Variants in VPS41 observed in about 807,000 individuals in gnomAD.
VPS41 encodes VPS41 subunit of HOPS complex.
A neutral mutation model predicts 130.9 loss-of-function variants in VPS41; 85 were observed. The observed-to-expected ratio is 0.65, with a 90% CI of 0.55 to 0.78. VPS41 has a LOEUF of 0.78. Among genes scored for constraint, VPS41 ranks in the 30% least tolerant of loss-of-function variants. VPS41 has a pLI of 0.00. For synonymous variants in VPS41, 335 were observed against 332.9 expected (o/e 1.01, Z -0.07); for missense variants, 874 against 1,018.7 (o/e 0.86, Z 1.93).
rs756788759 is a variant in VPS41 at position 38,821,192 on chromosome 7, T to C, written c.384+11A>G. On this transcript the variant is annotated intron_variant, in intron 6 of 28. Transcript: ENST00000310301. Reference sequence around the variant, plus strand: ...AACCCTTAGAAAAAGTAAAACTTGCTGAATACTTACTTTAATGGGACAGTC... The same window carrying C: ...AACCCTTAGAAAAAGTAAAACTTGCCGAATACTTACTTTAATGGGACAGTC... The C allele has an allele frequency of 8.7e-6, 14 of 1,610,966 alleles. No individual in the cohort carries two copies. The East Asian group carries it at 2.0e-4, about 23-fold the overall frequency.
intron 10 of VPS41, among the ~76,000 whole-genome samples, chr7:38,785,611 A>G (rs2115921360): frequency 6.6e-6 from 1 of 152,368 alleles, no homozygotes; most frequent in Non-Finnish European, 1.5e-5. Context: ...CTTAGACAAA[A>G]GAAAAGGAAA....
At chr7:38,885,426 T>C (rs544146432) in intron 2 of VPS41, among the ~76,000 whole-genome samples, 1 of 152,302 alleles carries the variant, frequency 6.6e-6, no homozygotes, top group African/African-American at 2.4e-5. Flanking sequence ...GTTCCATAAA[T>C]AGAAAAAACC....
At chr7:38,878,993 G>A (rs1357377594) in intron 2 of VPS41, among the ~76,000 whole-genome samples, 1 of 152,196 alleles carries the variant, frequency 6.6e-6, no homozygotes, top group Non-Finnish European at 1.5e-5. Flanking sequence ...AGTTGGTATG[G>A]TCTTATTTGA....
At chr7:38,891,522 T>C (rs909254363) in intron 2 of VPS41, among the ~76,000 whole-genome samples, 2 of 152,220 alleles carry the variant, frequency 1.3e-5, no homozygotes, top group African/African-American at 2.4e-5. Context: ...CTAAGCATGA[T>C]GTTTACACTT....
At chr7:38,746,455 T>C (rs1795986620) in intron 22 of VPS41, among the ~76,000 whole-genome samples, 1 of 151,974 alleles carries the variant, frequency 6.6e-6, no homozygotes, top group South Asian at 2.1e-4. Flanking sequence ...GGAGGCTTAG[T>C]AGGAGCATTA....
intron 17 of VPS41, among the ~76,000 whole-genome samples, chr7:38,758,984 T>C (rs1016087280): frequency 1.3e-5 from 2 of 152,238 alleles, no homozygotes; most frequent in Non-Finnish European, 2.9e-5. Context: ...CTAATCCATT[T>C]GGCTGTTCAT....
chr7:38,831,108 C>CA, intron 4 of VPS41: 2 of 432,246 alleles, frequency 4.6e-6, no homozygotes. Flanking sequence ...ATTCCTTCCT[C>CA]AAATTGAATA....
chr7:38,758,700 G>A (rs1284010187), intron 17 of VPS41, among the ~76,000 whole-genome samples: 1 of 152,196 alleles, frequency 6.6e-6, no homozygotes, highest in Non-Finnish European at 1.5e-5. Flanking sequence ...AGGATAGACT[G>A]AGACAGGATT....
At chr7:38,791,779 C>A (rs2115958220) in intron 9 of VPS41, among the ~76,000 whole-genome samples, 1 of 152,108 alleles carries the variant, frequency 6.6e-6, no homozygotes, top group Admixed American at 6.5e-5. Context: ...ATCCTATGGG[C>A]AAGGAGGGGA....
At chr7:38,855,473 A>C (rs1259407413) in intron 4 of VPS41, among the ~76,000 whole-genome samples, 1 of 152,232 alleles carries the variant, frequency 6.6e-6, no homozygotes, top group Non-Finnish European at 1.5e-5. Context: ...GGTCAGCAAT[A>C]CAGTCCAAAA....
chr7:38,880,083 A>G (rs902911695), intron 2 of VPS41, among the ~76,000 whole-genome samples: 4 of 152,178 alleles, frequency 2.6e-5, no homozygotes, highest in Non-Finnish European at 4.4e-5. Context: ...CCTGCACCTC[A>G]GAGGACTTTT....
chr7:38,866,237 T>C (rs919141801), intron 3 of VPS41, among the ~76,000 whole-genome samples: 2 of 152,142 alleles, frequency 1.3e-5, no homozygotes, highest in Non-Finnish European at 2.9e-5. Flanking sequence ...AGATACAACA[T>C]TAACGAGCTC....
chr7:38,864,731 C>T (rs1786190626), intron 3 of VPS41, among the ~76,000 whole-genome samples: 2 of 151,708 alleles, frequency 1.3e-5, no homozygotes, highest in Non-Finnish European at 2.9e-5. Flanking sequence ...CCATTAAAAG[C>T]CTTGAACTTT....
intron 7 of VPS41, among the ~76,000 whole-genome samples, chr7:38,799,154 C>T (rs1056428244): frequency 6.6e-6 from 1 of 152,122 alleles, no homozygotes; most frequent in Non-Finnish European, 1.5e-5. Flanking sequence ...TGGAAAAATC[C>T]TGCATTTAAA....
intron 1 of VPS41, among the ~76,000 whole-genome samples, chr7:38,900,363 C>T (rs956821008): frequency 4.6e-5 from 7 of 151,820 alleles, no homozygotes; most frequent in Non-Finnish European, 5.9e-5. Flanking sequence ...AATGTGTACA[C>T]GTGGACAAAG....
chr7:38,830,185 CA>C, intron 5 of VPS41, 68 bp downstream of exon 5: 1 of 932,326 alleles, frequency 1.1e-6, no homozygotes, highest in Non-Finnish European at 1.8e-6. Flanking sequence ...ATATAGTAAG[CA>C]AGGTGCTGTT....
chr7:38,799,060 G>A (rs114655109), intron 7 of VPS41, among the ~76,000 whole-genome samples: 1 of 152,040 alleles, frequency 6.6e-6, no homozygotes, highest in Non-Finnish European at 1.5e-5. Context: ...AACACAAAGG[G>A]TTGGGTCCCC....
At chr7:38,813,388 T>C (rs1784981341) in intron 7 of VPS41, among the ~76,000 whole-genome samples, 1 of 152,124 alleles carries the variant, frequency 6.6e-6, no homozygotes, top group African/African-American at 2.4e-5. Flanking sequence ...GGGGAGTGAC[T>C]GCTAATAGGT....
chr7:38,809,212 T>C (rs1300983637), intron 7 of VPS41, among the ~76,000 whole-genome samples: 1 of 151,734 alleles, frequency 6.6e-6, no homozygotes, highest in Non-Finnish European at 1.5e-5. Flanking sequence ...TGGCTGGGCA[T>C]GGTGGCTGAC....
Sources: allele counts gnomAD v4.1 joint callset (sites outside exome capture counted in the v4.1 genomes callset), GRCh38; gene constraint gnomAD v4.1.1; transcripts MANE v1.5; gene names NCBI Gene and HGNC (gene_info 2026-07-23, HGNC 2026-07-21).